The following KIF13B variants were observed in gnomAD, a reference collection of about 807,000 sequenced individuals.
The protein encoded by KIF13B is kinesin family member 13B.
A neutral mutation model predicts 222.0 loss-of-function variants in KIF13B; 127 were observed. The ratio of observed to expected loss-of-function variants is 0.57; its 90% CI spans 0.50 to 0.66. The LOEUF (loss-of-function observed/expected upper bound fraction) is 0.66. Ranked by LOEUF, KIF13B falls within the 30% of genes least tolerant of loss-of-function variation. The pLI, the probability that KIF13B is intolerant of heterozygous loss-of-function variation, is 0.00. For missense variants in KIF13B, 2,173 were observed against 2,379.0 expected, an observed-to-expected ratio of 0.91 and a Z score of 1.80; for synonymous variants, 976 against 919.0, an observed-to-expected ratio of 1.06 and a Z score of -1.12.
At chr8:29,168,329 T>C (rs1350240386) in intron 10 of KIF13B, among the ~76,000 whole-genome samples, 1 of 152,118 alleles carries the variant, frequency 6.6e-6, no homozygotes, top group Non-Finnish European at 1.5e-5. Flanking sequence ...TTGAGAACAT[T>C]AAAAATAGAG....
chr8:29,231,272 C>T (rs994531950), intron 2 of KIF13B, among the ~76,000 whole-genome samples: 1 of 152,172 alleles, frequency 6.6e-6, no homozygotes, highest in Non-Finnish European at 1.5e-5. Flanking sequence ...ACGGGTTCGG[C>T]CTGATAAATC....
intron 10 of KIF13B, among the ~76,000 whole-genome samples, chr8:29,173,547 A>C (rs1369231601): frequency 1.3e-5 from 2 of 151,954 alleles, no homozygotes; most frequent in Non-Finnish European, 2.9e-5. Context: ...ACTTGAGTCC[A>C]GGAGTTCCAG....
chr8:29,196,798 T>G (rs1432052817), intron 2 of KIF13B, among the ~76,000 whole-genome samples: 1 of 152,104 alleles, frequency 6.6e-6, no homozygotes, highest in South Asian at 2.1e-4. Flanking sequence ...TGCTTAACAG[T>G]TGCACATCCC....
At chr8:29,256,142 C>G (rs1463682547) in intron 1 of KIF13B, among the ~76,000 whole-genome samples, 5 of 152,214 alleles carry the variant, frequency 3.3e-5, no homozygotes, top group African/African-American at 4.8e-5. Context: ...TAGTTGCAGG[C>G]AGGGTACACA....
intron 27 of KIF13B, 39 bp from the exon 28 acceptor site, chr8:29,123,531 A>C: frequency 6.2e-7 from 1 of 1,610,458 alleles, no homozygotes; most frequent in South Asian, 1.1e-5. Flanking sequence ...ACAAAACTTC[A>C]CTTGCCATTT....
chr8:29,123,637 G>C, intron 27 of KIF13B, 145 bp from the exon 28 acceptor site: 1 of 1,048,436 alleles, frequency 9.5e-7, no homozygotes, highest in Admixed American at 2.0e-5. Flanking sequence ...CAGCTAGAGA[G>C]GTCAGATGGG....
chr8:29,237,482 T>C (rs1385453525), intron 2 of KIF13B, among the ~76,000 whole-genome samples: 1 of 152,130 alleles, frequency 6.6e-6, no homozygotes, highest in Non-Finnish European at 1.5e-5. Flanking sequence ...AAACCCTGAG[T>C]CCACATATCA....
intron 37 of KIF13B, 21 bp from the exon 38 acceptor site, chr8:29,075,364 G>A: frequency 1.3e-6 from 2 of 1,552,084 alleles, no homozygotes; most frequent in Non-Finnish European, 1.7e-6. Context: ...AAGTGTGCAG[G>A]TCAGGGGTCG....
chr8:29,093,025 G>A (rs1009560028), intron 36 of KIF13B, 147 bp from the exon 37 acceptor site: 4 of 747,990 alleles, frequency 5.3e-6, no homozygotes, highest in Non-Finnish European at 8.3e-6. Flanking sequence ...CAGTATTATT[G>A]TAGTTTACAT....
intron 19 of KIF13B, 60 bp from the exon 20 acceptor site, chr8:29,140,677 CCTA>C: frequency 6.8e-7 from 1 of 1,472,042 alleles, no homozygotes; most frequent in South Asian, 1.2e-5. Flanking sequence ...ATGCATTCAA[CCTA>C]CTGCTTTTTG....
chr8:29,081,337 C>T (rs1807801874), intron 37 of KIF13B, among the ~76,000 whole-genome samples: 1 of 152,098 alleles, frequency 6.6e-6, no homozygotes. Context: ...TGGTGGTGAC[C>T]CAGCACTGAG....
chr8:29,221,465 T>TA lies in KIF13B; in HGVS notation c.149+23880dup, dbSNP rs758078417. The stretch of plus-strand genomic sequence containing the variant: ...GGGCAACAGAGTGAGACCCTGTATT[T>TA]AAAAAAAAAAAAAAAGGAAAGAAAA... On this transcript the variant is annotated intron_variant, in intron 2 of 39. Coordinates refer to ENST00000524189, the MANE Select transcript of KIF13B (RefSeq NM_015254.4). Among the ~76,000 whole-genome samples, 623 of 130,654 alleles carry TA rather than the reference T, an allele frequency of 4.8e-3. 3 individuals are homozygous for TA. The highest frequency in any genetic ancestry group is 0.013 in the African/African-American group (472 of 35,450). The allele number at this position is 130,654 out of a possible 152,430, so 85.7% of individuals were successfully genotyped here.
In KIF13B at chr8:29,072,221, C is replaced by A; in HGVS notation, c.4617G>T (p.Pro1539=). Residue 1539 remains proline (P), a synonymous_variant, in exon 39 of 40, where the codon CCG becomes CCT. Coordinates refer to ENST00000524189, the MANE Select transcript of KIF13B (RefSeq NM_015254.4). ...CDKPAKVPSP[P]PVIAVTAVTP... ...TGACCGCTGTGACAGCTATGACAGG[C>A]GGTGGGGAAGGCACTTTGGCAGGTT... The A allele has an allele frequency of 3.4e-6, 5 of 1,467,854 alleles. No individual in the cohort carries two copies. Among genetic ancestry groups the A allele is most frequent in the South Asian group, 1.5e-5 (1 of 68,768 alleles). The allele number at this position is 1,467,854 out of a possible 1,614,324, so 90.9% of individuals were successfully genotyped here.
chr8:29,124,305 A>G (rs1322731805), intron 26 of KIF13B, among the ~76,000 whole-genome samples, 182 bp from the exon 27 acceptor site: 1 of 152,214 alleles, frequency 6.6e-6, no homozygotes, highest in East Asian at 1.9e-4. Context: ...CAGAATTTAA[A>G]GCATTATTTT....
chr8:29,211,475 G>A (rs1171783187), intron 2 of KIF13B, among the ~76,000 whole-genome samples: 1 of 152,254 alleles, frequency 6.6e-6, no homozygotes, highest in Non-Finnish European at 1.5e-5. Context: ...CCAGAACTGA[G>A]TTGCCAGGGA....
intron 2 of KIF13B, among the ~76,000 whole-genome samples, chr8:29,199,591 AAAAAG>A (rs909268889): frequency 1.3e-5 from 2 of 151,148 alleles, no homozygotes; most frequent in African/African-American, 2.4e-5. Flanking sequence ...AAAAAAAAAA[AAAAAG>A]AAAGAAATCC....
rs757525034 is a variant in KIF13B, at chr8:29,092,748, G to A, written c.4455C>T (p.His1485=). 6.2e-6 allele frequency: 10 copies of A among 1,609,328 alleles called. No individual in the cohort carries two copies. Among genetic ancestry groups the A allele is most frequent in the African/African-American group, 1.3e-5 (1 of 74,490 alleles). ...CTGTTTTCTCGGTGCTTTTTACCTG[G>A]TGTGCGAGGGGAGACGGCCGCTTGC... The part of the protein sequence containing the change: ...KRGKRPSPLA[H]QPVPRIMVQS... Residue 1485 remains histidine, a synonymous_variant, in exon 37 of 40, where the codon CAC becomes CAT. Transcript: ENST00000524189.
intron 2 of KIF13B, among the ~76,000 whole-genome samples, chr8:29,209,440 A>G (rs1444186057): frequency 1.3e-5 from 2 of 152,230 alleles, no homozygotes; most frequent in East Asian, 1.9e-4. Context: ...CAGTGGCCTG[A>G]GTCCAATGTC....
chr8:29,237,557 T>A (rs1011925738), intron 2 of KIF13B, among the ~76,000 whole-genome samples: 15 of 152,302 alleles, frequency 9.8e-5, no homozygotes, highest in East Asian at 5.8e-4. Flanking sequence ...TTGTATTTTT[T>A]AAAAAGTTTA....
Sources: allele counts gnomAD v4.1 joint callset (sites outside exome capture counted in the v4.1 genomes callset), GRCh38; gene constraint gnomAD v4.1.1; transcripts MANE v1.5; gene names NCBI Gene and HGNC (gene_info 2026-07-23, HGNC 2026-07-21).